Variants in ATP11C observed in about 807,000 individuals in gnomAD.
The protein encoded by ATP11C is ATPase phospholipid transporting 11C (ATP11C blood group), also known as phospholipid-transporting ATPase IG.
A neutral mutation model predicts 97.4 loss-of-function variants in ATP11C; 36 were observed. The ratio of observed to expected loss-of-function variants is 0.37; its 90% confidence interval spans 0.28 to 0.49. The LOEUF (loss-of-function observed/expected upper bound fraction) is 0.49, where lower values mean the gene tolerates loss of function less well. Ranked by LOEUF, ATP11C falls within the 20% of genes least tolerant of loss-of-function variation. The pLI, the probability that ATP11C is intolerant of heterozygous loss-of-function variation, is 0.98. For synonymous variants in ATP11C, 275 were observed against 290.9 expected (o/e 0.95, Z 0.56); for missense variants, 730 against 824.6 (o/e 0.89, Z 1.40).
intron 13 of ATP11C, among the ~76,000 whole-genome samples, chrX:139,788,907 T>C (rs1038855592): frequency 1.8e-5 from 2 of 111,854 alleles, no homozygotes; most frequent in Admixed American, 1.9e-4. Flanking sequence ...CCAACAATAG[T>C]TATTCTAAAG....
intron 29 of ATP11C, among the ~76,000 whole-genome samples, chrX:139,729,857 T>TGCC (rs2081306866): frequency 8.9e-6 from 1 of 112,123 alleles, no homozygotes; most frequent in Non-Finnish European, 1.9e-5. Flanking sequence ...ACACCTCCTT[T>TGCC]GCCATGGCTG....
At chrX:139,896,543 TTA>T (rs2084807481) in intron 1 of ATP11C, among the ~76,000 whole-genome samples, 1 of 70,501 alleles carries the variant, frequency 1.4e-5, no homozygotes, top group Non-Finnish European at 2.6e-5. Flanking sequence ...TCAGTTAATT[TTA>T]TACACACACA....
chrX:139,933,615 A>G (rs1000636703), upstream of ATP11C, among the ~76,000 whole-genome samples: 3 of 112,351 alleles, frequency 2.7e-5, no homozygotes, highest in African/African-American at 9.7e-5. Flanking sequence ...AAAGTCAAAA[A>G]GAAGGAAAGG....
At position 139,785,256 on chromosome X, in the gene ATP11C, G is replaced by A. The variant is rs1033024084; in HGVS notation, c.1636C>T (p.Arg546Cys). The A allele has an allele frequency of 2.5e-6, 3 of 1,206,824 alleles. No homozygotes were observed. Among genetic ancestry groups the A allele is most frequent in the East Asian group, 3.0e-5 (1 of 33,722 alleles). Residue 546 changes from arginine to cysteine, a missense_variant, in exon 16 of 30, where the codon CGT (arginine) becomes TGT (cysteine). Physicochemically the swap from Arg to Cys is radical, Grantham distance 180 (BLOSUM62 -3). Transcript: ENST00000682941. Reference protein sequence around the residue: ...HTLNFDAVRRRMSVIVKTQEG... With the variant: ...HTLNFDAVRRCMSVIVKTQEG... ...TGAGTCTTCACAATTACACTCATAC[G>A]TCGCCGGACAGCATCAAAGTTTAAG... is the stretch of plus-strand genomic sequence containing the variant.
chrX:139,917,083 G>A (rs2085166319), intron 1 of ATP11C, among the ~76,000 whole-genome samples: 1 of 111,426 alleles, frequency 9.0e-6, no homozygotes, highest in Non-Finnish European at 1.9e-5. Context: ...CAAATAAATG[G>A]TGCCAGGAAA....
At position 139,932,052 on chromosome X, in the gene ATP11C, G is replaced by A; in HGVS notation, c.-10C>T. The A allele has an allele frequency of 8.6e-7, 1 of 1,162,106 alleles. No homozygotes were observed. On this transcript the variant is annotated 5_prime_UTR_variant, in exon 1 of 30. Coordinates refer to ENST00000682941, the MANE Select transcript of ATP11C (RefSeq NM_001353812.2). The stretch of plus-strand genomic sequence containing the variant: ...AGCTCCGGCGGAACATCGCGTCGAA[G>A]GCTGCCGGGCGCTGAGCTGGGCTCT...
intron 1 of ATP11C, among the ~76,000 whole-genome samples, chrX:139,901,599 G>A (rs1301283024): frequency 9.0e-6 from 1 of 111,356 alleles, no homozygotes; most frequent in African/African-American, 3.3e-5. Context: ...CACTGACTCT[G>A]GAGTGGGCTT....
chrX:139,790,861 A>G (rs1224495363), intron 12 of ATP11C, among the ~76,000 whole-genome samples: 1 of 112,072 alleles, frequency 8.9e-6, no homozygotes, highest in African/African-American at 3.2e-5. Flanking sequence ...AATGGAAAAT[A>G]TAAGCCAAGA....
At chrX:139,794,189 AC>A (rs1326265565) in intron 12 of ATP11C, among the ~76,000 whole-genome samples, 1 of 112,362 alleles carries the variant, frequency 8.9e-6, no homozygotes. Context: ...CATGTCAAGC[AC>A]TGTTCTAAAC....
chrX:139,852,045 T>A (rs1173563962), intron 1 of ATP11C, among the ~76,000 whole-genome samples: 2 of 110,031 alleles, frequency 1.8e-5, no homozygotes, highest in Admixed American at 9.7e-5. Context: ...CGGTGTCATG[T>A]GCCTATAGTC....
chrX:139,749,229 T>G (rs1454112042), intron 24 of ATP11C, among the ~76,000 whole-genome samples: 1 of 112,016 alleles, frequency 8.9e-6, no homozygotes. Context: ...AAATGATAAA[T>G]TTCACAACTG....
At chrX:139,892,677 C>A (rs932938265) in intron 1 of ATP11C, among the ~76,000 whole-genome samples, 1 of 112,141 alleles carries the variant, frequency 8.9e-6, no homozygotes, top group African/African-American at 3.2e-5. Flanking sequence ...TTAATCACAA[C>A]GAGCCAGACA....
chrX:139,812,550 T>G (rs1603382600), intron 5 of ATP11C, among the ~76,000 whole-genome samples: 1 of 108,487 alleles, frequency 9.2e-6, no homozygotes, highest in East Asian at 2.9e-4. Flanking sequence ...GTTGTTGGTT[T>G]TTTTTTTTTT....
intron 1 of ATP11C, among the ~76,000 whole-genome samples, chrX:139,903,828 A>G (rs1244328935): frequency 9.0e-6 from 1 of 110,663 alleles, no homozygotes; most frequent in Non-Finnish European, 1.9e-5. Context: ...ATTCTGTTAT[A>G]GCAGCCTGAA....
At chrX:139,811,145 A>G (rs1293671399) in intron 5 of ATP11C, among the ~76,000 whole-genome samples, 1 of 111,195 alleles carries the variant, frequency 9.0e-6, no homozygotes, top group Non-Finnish European at 1.9e-5. Context: ...TACTATATCT[A>G]GTTTCTGATA....
chrX:139,927,114 T>C (rs1378794086), intron 1 of ATP11C, among the ~76,000 whole-genome samples: 1 of 112,174 alleles, frequency 8.9e-6, no homozygotes, highest in Admixed American at 9.5e-5. Context: ...ATGTATTCAA[T>C]GCAATGCAGT....
At chrX:139,816,096 G>A (rs1017500907) in intron 4 of ATP11C, among the ~76,000 whole-genome samples, 5 of 111,699 alleles carry the variant, frequency 4.5e-5, no homozygotes, top group African/African-American at 1.6e-4. Flanking sequence ...TTCCTGGTAG[G>A]CAAGATATAA....
intron 1 of ATP11C, among the ~76,000 whole-genome samples, chrX:139,928,899 CTT>C (rs1398337000): frequency 8.9e-6 from 1 of 112,085 alleles, no homozygotes; most frequent in Non-Finnish European, 1.9e-5. Flanking sequence ...CAAGAAATCT[CTT>C]ATTTTGAATC....
At chrX:139,743,044 G>A (rs1764829397) in intron 26 of ATP11C, among the ~76,000 whole-genome samples, 1 of 108,248 alleles carries the variant, frequency 9.2e-6, no homozygotes, top group Non-Finnish European at 1.9e-5. Context: ...CATCAGTGAT[G>A]AAAACATTTT....
Sources: gnomAD v4.1 joint callset for allele counts (sites outside exome capture counted in the v4.1 genomes callset) on GRCh38, gnomAD v4.1.1 for gene constraint, MANE v1.5 for transcripts, NCBI Gene and HGNC (gene_info 2026-07-23, HGNC 2026-07-21) for gene names.